XKR6: variants seen among roughly 807,000 people sequenced by gnomAD.
XKR6 encodes XK related 6.
In XKR6, 22 loss-of-function variants were observed where a neutral mutation model predicts 56.7. The ratio of observed to expected loss-of-function variants is 0.39; its 90% CI spans 0.28 to 0.55. XKR6 has a LOEUF of 0.55. Ranked by LOEUF, XKR6 falls within the 20% of genes least tolerant of loss-of-function variation. The pLI is 0.66. For synonymous variants in XKR6, 524 were observed against 387.8 expected, an observed-to-expected ratio of 1.35 and a Z score of -4.13; for missense variants, 852 against 889.0, an observed-to-expected ratio of 0.96 and a Z score of 0.53.
At chr8:10,912,376 G>T (rs899027800) in intron 2 of XKR6, among the ~76,000 whole-genome samples, 23 of 125,836 alleles carry the variant, frequency 1.8e-4, no homozygotes, top group African/African-American at 6.7e-4. Context: ...ATTATATATA[G>T]AGAGAAGGTG....
chr8:10,908,675 C>T (rs949939975), intron 2 of XKR6, among the ~76,000 whole-genome samples: 1 of 152,174 alleles, frequency 6.6e-6, no homozygotes, highest in South Asian at 2.1e-4. Context: ...ACACTTAAAA[C>T]TGCAACTCCC....
Position 11,200,703 on chromosome 8 carries a change from G to A in XKR6, c.637C>T (p.His213Tyr). Residue 213 changes from histidine (H) to tyrosine (Y), a missense_variant, in exon 1 of 3, where the codon CAC (histidine) becomes TAC (tyrosine). Around this residue, in one of 4 missense-constraint regions of XKR6, gnomAD observed 417 missense variants for 355.2 expected, o/e 1.17. Transcript: ENST00000416569. This position sits in a 1 kb window ranked among gnomAD's most constrained non-coding sequence, Gnocchi z 6.4. ...GPPMMGAGYV[H>Y]GAARGGPGVR... ...CCTGGGCCACCGCGGGCCGCGCCGT[G>A]GACGTAGCCGGCCCCCATCATGGGG... 2.5e-6 allele frequency: 4 copies of A among 1,576,426 alleles called. No homozygotes were observed. Among genetic ancestry groups the A allele is most frequent in the Non-Finnish European group, 3.4e-6 (4 of 1,168,556 alleles).
Position 11,136,171 on chromosome 8 carries a change from G to C in XKR6, c.764+64405C>G, listed in dbSNP as rs533377660. ...AAGCTTTATGGGACTTTACGTATAG[G>C]ACTTACATGCTGGTTTCCTCCATTA... On this transcript the variant is annotated intron_variant, in intron 1 of 2. Transcript: ENST00000416569. 5.7e-4 allele frequency among the ~76,000 whole-genome samples: 87 copies of C among 152,276 alleles called. 3 individuals carry two copies. The Middle Eastern group carries it at 0.014, about 24-fold the overall frequency.
chr8:11,173,339 G>A (rs990053887), intron 1 of XKR6, among the ~76,000 whole-genome samples: 6 of 147,340 alleles, frequency 4.1e-5, no homozygotes, highest in Admixed American at 6.8e-5. Flanking sequence ...GCGAGACTCC[G>A]CCTTAAAAAA....
intron 1 of XKR6, among the ~76,000 whole-genome samples, chr8:11,042,802 G>C (rs1387108820): frequency 6.6e-6 from 1 of 152,222 alleles, no homozygotes; most frequent in East Asian, 1.9e-4. Context: ...ACTAACATTT[G>C]GATCCCAGCA....
intron 2 of XKR6, among the ~76,000 whole-genome samples, chr8:10,903,738 G>A (rs572568320): frequency 1.3e-5 from 2 of 152,256 alleles, no homozygotes; most frequent in Admixed American, 6.5e-5. Flanking sequence ...ACAATCCAAG[G>A]AGGGAGGCCT....
intron 1 of XKR6, among the ~76,000 whole-genome samples, chr8:10,989,356 A>G (rs1055142192): frequency 3.3e-5 from 5 of 152,242 alleles, no homozygotes; most frequent in African/African-American, 7.2e-5. Flanking sequence ...GGGCCATTCC[A>G]TGGTGATTTA....
chr8:11,089,132 C>T (rs1797985405), intron 1 of XKR6, among the ~76,000 whole-genome samples: 2 of 152,064 alleles, frequency 1.3e-5, no homozygotes, highest in Admixed American at 1.3e-4. Flanking sequence ...ACATCAGGTC[C>T]ACTGGAGCAT....
At position 10,912,436 on chromosome 8, in the gene XKR6, G is replaced by A. The variant is rs1019623237; in HGVS notation, c.961+12198C>T. Among the ~76,000 whole-genome samples the A allele has an allele frequency of 6.0e-5, 6 of 100,098 alleles. 1 individual carries two copies. Among genetic ancestry groups the A allele is most frequent in the African/African-American group, 8.0e-5 (2 of 24,954 alleles). 65.7% of individuals were successfully genotyped at this position (100,098 alleles called of 152,430 possible). On this transcript the variant is annotated intron_variant, in intron 2 of 2. Coordinates refer to ENST00000416569, the MANE Select transcript of XKR6 (RefSeq NM_173683.4). The stretch of plus-strand genomic sequence containing the variant: ...GAGTGAGCATATATATATGAGAGAC[G>A]ATAGGTGAGTGTATATATATATATA...
rs533581699 is a variant in XKR6 at position 11,001,835 on chromosome 8, C to T, written c.765-77005G>A. On this transcript the variant is annotated intron_variant, in intron 1 of 2. Transcript: ENST00000416569. ...CAGCTCACTGCCGGTCAGGGGCAAG[C>T]GGCACTGTGCTGTGGGTCTGGTCTC... is the stretch of plus-strand genomic sequence containing the variant. 2.0e-4 allele frequency among the ~76,000 whole-genome samples: 31 copies of T among 152,288 alleles called. 1 individual carries two copies. In the South Asian group the frequency reaches 5.8e-3, roughly 29 times the overall value.
chr8:11,100,438 C>T (rs1242210181), intron 1 of XKR6, among the ~76,000 whole-genome samples: 7 of 152,224 alleles, frequency 4.6e-5, no homozygotes, highest in Non-Finnish European at 1.0e-4. Flanking sequence ...TTAATTAAGA[C>T]TTTGTGTTCC....
intron 1 of XKR6, among the ~76,000 whole-genome samples, chr8:10,955,965 G>A (rs894580318): frequency 6.6e-6 from 1 of 152,210 alleles, no homozygotes; most frequent in Non-Finnish European, 1.5e-5. Context: ...GTGGCTGCTC[G>A]GTGAGAGGGT....
chr8:10,918,604 A>C (rs1394918755), intron 2 of XKR6, among the ~76,000 whole-genome samples: 6 of 152,192 alleles, frequency 3.9e-5, no homozygotes, highest in African/African-American at 1.4e-4. Flanking sequence ...GTTTTAGAGA[A>C]GGACTCTCCA....
intron 1 of XKR6, among the ~76,000 whole-genome samples, chr8:11,193,672 C>G (rs1292855336): frequency 6.6e-6 from 1 of 151,132 alleles, no homozygotes; most frequent in African/African-American, 2.4e-5. Context: ...TTTACAAACA[C>G]TAACTTTTCA....
intron 2 of XKR6, among the ~76,000 whole-genome samples, chr8:10,917,365 C>T (rs996236302): frequency 6.6e-6 from 1 of 152,234 alleles, no homozygotes; most frequent in African/African-American, 2.4e-5. Flanking sequence ...ACCTCCACTC[C>T]CAGGAGATCC....
intron 1 of XKR6, among the ~76,000 whole-genome samples, chr8:11,193,818 G>A (rs1269099851): frequency 7.0e-6 from 1 of 142,474 alleles, no homozygotes; most frequent in Non-Finnish European, 1.5e-5. Context: ...AAACAGATAC[G>A]CATATATTGC....
At chr8:10,911,492 G>T (rs532677221) in intron 2 of XKR6, among the ~76,000 whole-genome samples, 66 of 148,656 alleles carry the variant, frequency 4.4e-4, no homozygotes, top group Middle Eastern at 3.5e-3. Context: ...TATATATAGA[G>T]AGAGAGGGTG....
chr8:11,068,777 G>C (rs1463210891), intron 1 of XKR6, among the ~76,000 whole-genome samples: 6 of 152,144 alleles, frequency 3.9e-5, no homozygotes, highest in African/African-American at 1.4e-4. Context: ...CACCCACATG[G>C]GCTCCCACCA....
At chr8:10,905,189 C>A (rs1032090968) in intron 2 of XKR6, among the ~76,000 whole-genome samples, 1 of 152,170 alleles carries the variant, frequency 6.6e-6, no homozygotes, top group African/African-American at 2.4e-5. Context: ...CTTCTCCAAG[C>A]TTCCCGAAGG....
Sources: allele counts gnomAD v4.1 joint callset (sites outside exome capture counted in the v4.1 genomes callset), GRCh38; gene constraint gnomAD v4.1.1; regional missense constraint gnomAD v4.1.1; non-coding constraint Gnocchi (gnomAD v3.1); transcripts MANE v1.5; gene names NCBI Gene and HGNC (gene_info 2026-07-23, HGNC 2026-07-21).